The following PRRT3 variants were observed in gnomAD, a reference collection of about 807,000 sequenced individuals.
PRRT3 encodes proline-rich transmembrane protein 3.
In PRRT3, 48 loss-of-function variants were observed where a neutral mutation model predicts 56.6. The observed-to-expected ratio is 0.85, with a 90% CI of 0.67 to 1.08. PRRT3 has a LOEUF of 1.08. Among genes scored for constraint, PRRT3 ranks in the 50% least tolerant of loss-of-function variants. The pLI, the probability that PRRT3 is intolerant of heterozygous loss-of-function variation, is 0.00. For missense variants in PRRT3, 1,370 were observed against 1,353.1 expected (o/e 1.01, Z -0.20); for synonymous variants, 641 against 619.1 (o/e 1.04, Z -0.52).
chr3:9,952,071 G>A (rs1015997179), intron 1 of PRRT3, among the ~76,000 whole-genome samples: 10 of 152,198 alleles, frequency 6.6e-5, no homozygotes, highest in Non-Finnish European at 1.5e-4. Context: ...GCAGGGACTG[G>A]GGAGAGGCCG....
rs1453145338 is a variant in PRRT3 at position 9,949,578 on chromosome 3, G to C, written c.538C>G (p.Gln180Glu). Reference protein sequence around the residue: ...PSLQHEGQEGQWPPRDEGLKA... With the variant: ...PSLQHEGQEGEWPPRDEGLKA... ...AGACCCTCATCTCTAGGTGGCCACT[G>C]TCCCTCTTGGCCTTCATGCTGCAGG... is the stretch of plus-strand genomic sequence containing the variant. The change falls in exon 2 of 4, where the codon CAG becomes GAG. Residue 180 changes from glutamine to glutamate, a missense_variant. Gln to Glu is a conservative substitution (Grantham distance 29). Transcript: ENST00000412055. The surrounding 1 kb of genome is among the most constrained non-coding windows in gnomAD (Gnocchi z 4.5). 6.2e-7 allele frequency: 1 copy of C among 1,614,030 alleles called. No individual in the cohort carries two copies. Among genetic ancestry groups the C allele is most frequent in the Middle Eastern group, 1.6e-4 (1 of 6,082 alleles).
Position 9,950,008 on chromosome 3 carries a change from G to C in PRRT3, c.108C>G (p.Asn36Lys), listed in dbSNP as rs1434202009. ...CTCCAGGGATCATAGGGATTTCGGA[G>C]TTTTCAAGTGGCCTGGGAAAGCCCC... ...LGRGFPRPLE[N>K]SEIPMIPGAH... The change falls in exon 2 of 4, where the codon AAC (asparagine) becomes AAG (lysine). Residue 36 changes from asparagine to lysine, a missense_variant. Transcript: ENST00000412055. The C allele has an allele frequency of 1.4e-5, 22 of 1,531,018 alleles. No homozygotes were observed. The highest frequency in any genetic ancestry group is 8.8e-5 in the Admixed American group (4 of 45,580). 94.8% of individuals were successfully genotyped at this position (1,531,018 alleles called of 1,614,324 possible). A position where few individuals can be genotyped will look rare whatever the true frequency, so the allele number is the denominator to read the frequency against.
chr3:9,952,086 G>A (rs1440969110), intron 1 of PRRT3, among the ~76,000 whole-genome samples: 1 of 152,168 alleles, frequency 6.6e-6, no homozygotes, highest in Non-Finnish European at 1.5e-5. Context: ...AGGCCGGCCT[G>A]GGGGCAGGGC....
chr3:9,952,237 G>C (rs2085631115), intron 1 of PRRT3, 85 bp downstream of exon 1: 1 of 152,402 alleles, frequency 6.6e-6, no homozygotes, highest in Non-Finnish European at 1.5e-5. Context: ...GTGCAGGCCT[G>C]GTCGCCTGCG....
At chr3:9,950,214 G>C (rs1190623513) in intron 1 of PRRT3, 42 bp from the exon 2 acceptor site, 3 of 1,061,940 alleles carry the variant, frequency 2.8e-6, no homozygotes, top group East Asian at 6.3e-5. Flanking sequence ...TGAGGGCTGG[G>C]GGCCCCCATG....
Position 9,947,169 on chromosome 3 carries a change from C to T in PRRT3, c.2004G>A (p.Val668=). The part of the protein sequence containing the change: ...ALWLYPGPGR[V]GRFSWAWWGV... Reference sequence around the variant, plus strand: ...CCCACCAGGCCCACGAGAAGCGGCCCACGCGGCCTGGGCCCGGGTACAGCC... The same window carrying T: ...CCCACCAGGCCCACGAGAAGCGGCCTACGCGGCCTGGGCCCGGGTACAGCC... Residue 668 remains valine, a synonymous_variant, in exon 4 of 4, where the codon GTG becomes GTA. Coordinates refer to ENST00000412055, the MANE Select transcript of PRRT3 (RefSeq NM_207351.5). The surrounding 1 kb of genome is among the most constrained non-coding windows in gnomAD (Gnocchi z 9.2). The T allele has an allele frequency of 6.5e-7, 1 of 1,534,136 alleles. No individual in the cohort carries two copies.
chr3:9,946,746 G>A lies in PRRT3; in HGVS notation c.2427C>T (p.Pro809=), dbSNP rs1011041314. 37 of 1,527,872 alleles carry A rather than the reference G, an allele frequency of 2.4e-5. No homozygotes were observed. The African/African-American group carries it at 4.4e-4, about 18-fold the overall frequency. The allele number at this position is 1,527,872 out of a possible 1,614,324, so 94.6% of individuals were successfully genotyped here. The change falls in exon 4 of 4, where the codon CCC becomes CCT. Residue 809 remains proline, a synonymous_variant. Transcript: ENST00000412055. This position sits in a 1 kb window ranked among gnomAD's most constrained non-coding sequence, Gnocchi z 4.1. ...CGTCGATGCTGCGGCTCAGGTTGAT[G>A]GGCGATGGCGGCCGCAGATCCAGCT... ...LSELDLRPPS[P]INLSRSIDAA...
rs534087800 is a variant in PRRT3, at chr3:9,948,696, A to G, written c.1171+62T>C. The stretch of plus-strand genomic sequence containing the variant: ...CACCCTCCGCCCCCATACATCCCCA[A>G]CAGAGGTTCTCAGTTACTAGACAGA... On this transcript the variant is annotated intron_variant, in intron 3 of 3. Transcript: ENST00000412055. The G allele has an allele frequency of 2.1e-5, 34 of 1,601,032 alleles. No individual in the cohort carries two copies. In the South Asian group the frequency reaches 3.1e-4, roughly 15 times the overall value.
chr3:9,946,439 G>C lies in PRRT3; in HGVS notation c.2734C>G (p.Leu912Val), dbSNP rs1286898434. 3 of 1,591,630 alleles carry C rather than the reference G, an allele frequency of 1.9e-6. No individual in the cohort carries two copies. In the Admixed American group the frequency reaches 5.3e-5, roughly 28 times the overall value. Residue 912 changes from leucine to valine, a missense_variant, in exon 4 of 4, where the codon CTC becomes GTC. Physicochemically the swap from Leu to Val is conservative, Grantham distance 32 (BLOSUM62 1). Coordinates refer to ENST00000412055, the MANE Select transcript of PRRT3 (RefSeq NM_207351.5). The surrounding 1 kb of genome is among the most constrained non-coding windows in gnomAD (Gnocchi z 4.1). ...CGCCAGGGGTTCCAACTGATCTTGA[G>C]TGAACCCCTGGAGAAGCTGTCGAGG... ...SSLDSFSRGS[L>V]KISWNPWRHG...
chr3:9,952,190 G>C (rs2085630458), intron 1 of PRRT3, 132 bp downstream of exon 1: 1 of 154,242 alleles, frequency 6.5e-6, no homozygotes. Flanking sequence ...CCCTGGCTCC[G>C]CGCCTTCCCG....
chr3:9,946,128 G>T lies in PRRT3; in HGVS notation c.*99C>A. 2 of 1,458,908 alleles carry T rather than the reference G, an allele frequency of 1.4e-6. No homozygotes were observed. Among genetic ancestry groups the T allele is most frequent in the Non-Finnish European group, 1.8e-6 (2 of 1,103,086 alleles). The allele number at this position is 1,458,908 out of a possible 1,614,324, so 90.4% of individuals were successfully genotyped here. A position where few individuals can be genotyped will look rare whatever the true frequency, so the allele number is the denominator to read the frequency against. On this transcript the variant is annotated 3_prime_UTR_variant, in exon 4 of 4. Transcript: ENST00000412055. The surrounding 1 kb of genome is among the most constrained non-coding windows in gnomAD (Gnocchi z 4.1). ...TGGGATTCCTGGCGTGAGCCACCGCGCCTGGCCAGGATGCCCATTTTTTAA... is the reference window on the plus strand; with the variant it reads ...TGGGATTCCTGGCGTGAGCCACCGCTCCTGGCCAGGATGCCCATTTTTTAA...
Position 9,947,562 on chromosome 3 carries a change from G to A in PRRT3, c.1611C>T (p.Gly537=), listed in dbSNP as rs373116795. 111 of 1,606,702 alleles carry A rather than the reference G, an allele frequency of 6.9e-5. No individual in the cohort carries two copies. The highest frequency in any genetic ancestry group is 8.2e-5 in the Non-Finnish European group (97 of 1,177,426). The change falls in exon 4 of 4, where the codon GGC becomes GGT. Residue 537 remains glycine (G), a synonymous_variant. Coordinates refer to ENST00000412055, the MANE Select transcript of PRRT3 (RefSeq NM_207351.5). This position sits in a 1 kb window ranked among gnomAD's most constrained non-coding sequence, Gnocchi z 9.2. ...GGAAGGGCAGGTTGTAGAGCACCAG[G>A]CCCCCGCGAACGCCCAGCCGCGCCT... The part of the protein sequence containing the change: ...GSQARLGVRG[G]LVLYNLPFPL...
In PRRT3 at chr3:9,949,017, G is replaced by A. The variant is rs2085574923; in HGVS notation, c.1015+84C>T. The A allele has an allele frequency of 2.0e-6, 3 of 1,515,022 alleles. No homozygotes were observed. In the Admixed American group the frequency reaches 6.6e-5, roughly 33 times the overall value. 93.8% of individuals were successfully genotyped at this position (1,515,022 alleles called of 1,614,324 possible). A position where few individuals can be genotyped will look rare whatever the true frequency, so the allele number is the denominator to read the frequency against. The stretch of plus-strand genomic sequence containing the variant: ...CCTCATTTGCCACAAAGAGGAAAAT[G>A]AGACCTAGAGGGACCCAGGGTCAAA... On this transcript the variant is annotated intron_variant, in intron 2 of 3. Transcript: ENST00000412055. The surrounding 1 kb of genome is among the most constrained non-coding windows in gnomAD (Gnocchi z 4.5).
At position 9,947,529 on chromosome 3, in the gene PRRT3, C is replaced by T. The variant is rs1205416080; in HGVS notation, c.1644G>A (p.Leu548=). The change falls in exon 4 of 4, where the codon CTG becomes CTA. Residue 548 remains leucine, a synonymous_variant. Coordinates refer to ENST00000412055, the MANE Select transcript of PRRT3 (RefSeq NM_207351.5). This position sits in a 1 kb window ranked among gnomAD's most constrained non-coding sequence, Gnocchi z 9.2. ...LVLYNLPFPL[L]LTALAALTLL... ...GAGTCAGGGCTGCCAGCGCCGTAAG[C>T]AGCAAGGGGAAGGGCAGGTTGTAGA... 1.9e-6 allele frequency: 3 copies of T among 1,611,550 alleles called. No individual in the cohort carries two copies. In the African/African-American group the frequency reaches 4.0e-5, roughly 22 times the overall value.
chr3:9,951,798 G>C (rs2085623553), intron 1 of PRRT3, among the ~76,000 whole-genome samples: 2 of 152,238 alleles, frequency 1.3e-5, no homozygotes, highest in Non-Finnish European at 2.9e-5. Flanking sequence ...CGGGGGTTCA[G>C]AGAGGGTGAG....
At position 9,950,048 on chromosome 3, in the gene PRRT3, C is replaced by T. The variant is rs2085599847; in HGVS notation, c.68G>A (p.Gly23Asp). 6.6e-7 allele frequency: 1 copy of T among 1,517,526 alleles called. No homozygotes were observed. The highest frequency in any genetic ancestry group is 1.4e-5 in the South Asian group (1 of 73,240). 94.0% of individuals were successfully genotyped at this position (1,517,526 alleles called of 1,614,324 possible). ...GGGAAAGCCCCTCCCCAGGGCAGGG[C>T]CAGTCCCCAGGAGTGGCAGCAGCAA... ...LLLLLPLLGT[G>D]PALGRGFPRP... Residue 23 changes from glycine to aspartate, a missense_variant, in exon 2 of 4, where the codon GGC becomes GAC. Transcript: ENST00000412055.
Position 9,949,850 on chromosome 3 carries a change from G to A in PRRT3, c.266C>T (p.Ala89Val). ...GTACAGGGCTGGGCCAAGGGGAGAG[G>A]CTACAGGCTTCTCAGGCATCTCTTC... is the stretch of plus-strand genomic sequence containing the variant. ...PAEEMPEKPV[A>V]SPLGPALYGP... is the part of the protein sequence containing the mutation. The change falls in exon 2 of 4, where the codon GCC becomes GTC. Residue 89 changes from alanine (A) to valine (V), a missense_variant. Transcript: ENST00000412055. This position sits in a 1 kb window ranked among gnomAD's most constrained non-coding sequence, Gnocchi z 4.5. The A allele has an allele frequency of 6.2e-7, 1 of 1,613,712 alleles. No homozygotes were observed. Among genetic ancestry groups the A allele is most frequent in the Non-Finnish European group, 8.5e-7 (1 of 1,179,720 alleles).
chr3:9,947,150 A>AGGCCCACGAGAAGC lies in PRRT3; in HGVS notation c.2009_2022dup (p.Trp675AlafsTer18). 6.5e-7 allele frequency: 1 copy of AGGCCCACGAGAAGC among 1,537,204 alleles called. No individual in the cohort carries two copies. The highest frequency in any genetic ancestry group is 8.7e-7 in the Non-Finnish European group (1 of 1,147,282). On this transcript the variant is annotated frameshift_variant, in exon 4 of 4. Coordinates refer to ENST00000412055, the MANE Select transcript of PRRT3 (RefSeq NM_207351.5). LOFTEE classifies it high-confidence loss of function. The surrounding 1 kb of genome is among the most constrained non-coding windows in gnomAD (Gnocchi z 9.2). The stretch of plus-strand genomic sequence containing the variant: ...CGCAGCCAGAAGTGGACACCCCACC[A>AGGCCCACGAGAAGC]GGCCCACGAGAAGCGGCCCACGCGG...
rs1042625978 is a variant in PRRT3, at chr3:9,947,782, C to T, written c.1391G>A (p.Arg464Gln). The stretch of plus-strand genomic sequence containing the variant: ...CTCCCAGGAGAAGCTCAGGACCCGC[C>T]GAAGGGGGCCCCAGCGTAGCGGGGG... ...TAPPLRWGPL[R>Q]RVLSFSWELH... The change falls in exon 4 of 4, where the codon CGG (arginine) becomes CAG (glutamine). Residue 464 changes from arginine to glutamine, a missense_variant. By Grantham distance (43) the Arg-to-Gln change is conservative. Transcript: ENST00000412055. The surrounding 1 kb of genome is among the most constrained non-coding windows in gnomAD (Gnocchi z 9.2). 8.2e-6 allele frequency: 12 copies of T among 1,469,320 alleles called. No individual in the cohort carries two copies. The highest frequency in any genetic ancestry group is 1.4e-5 in the African/African-American group (1 of 69,220). The allele number at this position is 1,469,320 out of a possible 1,614,324, so 91.0% of individuals were successfully genotyped here.
Sources: allele counts gnomAD v4.1 joint callset (sites outside exome capture counted in the v4.1 genomes callset), GRCh38; gene constraint gnomAD v4.1.1; non-coding constraint Gnocchi (gnomAD v3.1); transcripts MANE v1.5; gene names NCBI Gene and HGNC (gene_info 2026-07-23, HGNC 2026-07-21).